Variants in EXOC6 observed in about 807,000 individuals in gnomAD.
EXOC6 encodes the protein SEC15-like 1.
A neutral mutation model predicts 112.5 loss-of-function variants in EXOC6; 60 were observed. The ratio of observed to expected loss-of-function variants is 0.53; its 90% CI spans 0.43 to 0.66. The LOEUF (loss-of-function observed/expected upper bound fraction) is 0.66, where lower values mean the gene tolerates loss of function less well. EXOC6 is among the 30% of genes least tolerant of loss of function. The pLI is 0.00. For missense variants in EXOC6, 855 were observed against 957.1 expected (o/e 0.89, Z 1.41); for synonymous variants, 295 against 308.0 (o/e 0.96, Z 0.44).
At chr10:92,954,579 T>C in intron 15 of EXOC6, 51 bp from the exon 16 acceptor site, 1 of 880,048 alleles carries the variant, frequency 1.1e-6, no homozygotes, top group Admixed American at 2.3e-5. Flanking sequence ...GGATGTTAAC[T>C]AACCACATTC....
At chr10:93,048,191 CAA>C (rs1554928672) in intron 20 of EXOC6, among the ~76,000 whole-genome samples, 10 of 151,494 alleles carry the variant, frequency 6.6e-5, no homozygotes. Context: ...TGCAGCACAC[CAA>C]CATGGCACAT....
intron 1 of EXOC6, among the ~76,000 whole-genome samples, chr10:92,872,126 G>A (rs1359208519): frequency 1.3e-5 from 2 of 151,476 alleles, no homozygotes; most frequent in Non-Finnish European, 2.9e-5. Flanking sequence ...ATTTATTGAC[G>A]TTATTATTTA....
At position 92,945,325 on chromosome 10, in the gene EXOC6, T is replaced by G. The variant is rs560172184; in HGVS notation, c.1311-2949T>G. On this transcript the variant is annotated intron_variant, in intron 13 of 21. Coordinates refer to ENST00000260762, the MANE Select transcript of EXOC6 (RefSeq NM_019053.6). ...AAATATTTTCTCCCAGTCTGTAACTTGCCTCTTCATTCTGTTGTTTCCTTG... is the reference window on the plus strand; with the variant it reads ...AAATATTTTCTCCCAGTCTGTAACTGGCCTCTTCATTCTGTTGTTTCCTTG... Among the ~76,000 whole-genome samples the G allele has an allele frequency of 3.5e-4, 54 of 152,342 alleles. 1 individual carries two copies. The South Asian group carries it at 8.5e-3, about 24-fold the overall frequency.
chr10:92,971,746 T>C (rs1029385473), intron 17 of EXOC6, among the ~76,000 whole-genome samples: 5 of 152,232 alleles, frequency 3.3e-5, no homozygotes, highest in Admixed American at 6.5e-5. Context: ...TCTTTAGATA[T>C]GGTTTCCTTT....
At chr10:92,974,833 G>A (rs1339215356) in intron 18 of EXOC6, among the ~76,000 whole-genome samples, 1 of 152,222 alleles carries the variant, frequency 6.6e-6, no homozygotes, top group African/African-American at 2.4e-5. Context: ...CTCCCGAGGT[G>A]CCGGGATTGC....
intron 17 of EXOC6, among the ~76,000 whole-genome samples, chr10:92,958,861 C>T (rs1853832060): frequency 6.6e-6 from 1 of 151,928 alleles, no homozygotes; most frequent in Non-Finnish European, 1.5e-5. Flanking sequence ...TTTGGGAGGG[C>T]GAGGTGGGCG....
intron 18 of EXOC6, among the ~76,000 whole-genome samples, chr10:92,996,429 A>G (rs890086940): frequency 6.6e-6 from 1 of 152,140 alleles, no homozygotes; most frequent in Admixed American, 6.5e-5. Flanking sequence ...CATCCTGGCT[A>G]ACATGGTGAA....
chr10:92,837,670 C>T (rs192129141), intron 1 of EXOC6, among the ~76,000 whole-genome samples: 1 of 152,228 alleles, frequency 6.6e-6, no homozygotes, highest in East Asian at 1.9e-4. Context: ...TCTCCAAACA[C>T]AAACCAAAAC....
upstream of EXOC6, chr10:92,834,681 A>T: frequency 7.4e-7 from 1 of 1,343,464 alleles, no homozygotes. Context: ...ATAAATTACA[A>T]CAGTTTTTCA....
intron 18 of EXOC6, among the ~76,000 whole-genome samples, chr10:92,992,396 CTATA>C (rs1250853685): frequency 1.3e-5 from 2 of 150,618 alleles, no homozygotes; most frequent in African/African-American, 4.9e-5. Flanking sequence ...CATATCTATT[CTATA>C]TTATTGAGAA....
At chr10:93,030,666 A>G (rs1267610104) in intron 20 of EXOC6, among the ~76,000 whole-genome samples, 1 of 152,258 alleles carries the variant, frequency 6.6e-6, no homozygotes, top group Non-Finnish European at 1.5e-5. Context: ...GCAAGTATGC[A>G]GAGAAAGTAT....
At chr10:92,913,208 T>A (rs1009271902) in intron 6 of EXOC6, among the ~76,000 whole-genome samples, 3 of 152,210 alleles carry the variant, frequency 2.0e-5, no homozygotes, top group Non-Finnish European at 4.4e-5. Context: ...GGGAGTATTT[T>A]AAACTTTTCA....
At chr10:93,037,609 T>G (rs921179255) in intron 20 of EXOC6, among the ~76,000 whole-genome samples, 1 of 151,878 alleles carries the variant, frequency 6.6e-6, no homozygotes, top group African/African-American at 2.4e-5. Context: ...CCAGCTAGTT[T>G]TTCTATGTTT....
chr10:92,881,503 A>G (rs1251654259), intron 1 of EXOC6, among the ~76,000 whole-genome samples: 1 of 152,222 alleles, frequency 6.6e-6, no homozygotes, highest in Non-Finnish European at 1.5e-5. Context: ...TGTGCTCTGT[A>G]TTAAAGTTGC....
At chr10:93,028,247 T>C (rs1332860673) in intron 20 of EXOC6, among the ~76,000 whole-genome samples, 1 of 151,906 alleles carries the variant, frequency 6.6e-6, no homozygotes, top group Non-Finnish European at 1.5e-5. Context: ...CAGTGAGCCA[T>C]GATCGTGCCA....
intron 1 of EXOC6, among the ~76,000 whole-genome samples, chr10:92,875,593 ATTTTGGAC>A (rs1848653019): frequency 1.3e-5 from 2 of 152,192 alleles, no homozygotes; most frequent in Admixed American, 6.5e-5. Context: ...TTAGTAAATC[ATTTTGGAC>A]TGAATTAATG....
chr10:92,934,690 C>T (rs905420268), intron 11 of EXOC6, among the ~76,000 whole-genome samples: 1 of 152,068 alleles, frequency 6.6e-6, no homozygotes, highest in Admixed American at 6.6e-5. Context: ...TCTCAACTGA[C>T]CTCTTCATTA....
intron 13 of EXOC6, among the ~76,000 whole-genome samples, chr10:92,942,663 T>C (rs1320332721): frequency 6.6e-6 from 1 of 152,174 alleles, no homozygotes; most frequent in Non-Finnish European, 1.5e-5. Flanking sequence ...ATGTATAATA[T>C]GATGTAATAT....
intron 20 of EXOC6, among the ~76,000 whole-genome samples, chr10:93,035,428 C>T (rs1054511982): frequency 6.6e-6 from 1 of 152,186 alleles, no homozygotes; most frequent in African/African-American, 2.4e-5. Flanking sequence ...ATTGTTTATG[C>T]TCACTGTTTT....
Sources: allele counts gnomAD v4.1 joint callset (sites outside exome capture counted in the v4.1 genomes callset), GRCh38; gene constraint gnomAD v4.1.1; transcripts MANE v1.5; gene names NCBI Gene and HGNC (gene_info 2026-07-23, HGNC 2026-07-21).